SHANK2: variants seen among roughly 807,000 people sequenced by gnomAD.
The protein encoded by SHANK2 is SH3 and multiple ankyrin repeat domains protein 2.
A neutral mutation model predicts 133.7 loss-of-function variants in SHANK2; 43 were observed. That is an observed-to-expected ratio of 0.32 (90% CI 0.25 to 0.41). SHANK2 has a LOEUF of 0.41. Among genes scored for constraint, SHANK2 ranks in the 10% least tolerant of loss-of-function variants. The pLI is 1.00. For synonymous variants in SHANK2, 1,017 were observed against 952.8 expected, an observed-to-expected ratio of 1.07 and a Z score of -1.24; for missense variants, 1,994 against 2,235.8, an observed-to-expected ratio of 0.89 and a Z score of 2.18.
chr11:70,534,394 T>C (rs868943390), intron 17 of SHANK2, among the ~76,000 whole-genome samples: 5 of 152,168 alleles, frequency 3.3e-5, no homozygotes, highest in Non-Finnish European at 4.4e-5. Context: ...TTCCCACTCG[T>C]TCCCTCCCAC....
chr11:70,902,959 G>A (rs1555077097), intron 10 of SHANK2, among the ~76,000 whole-genome samples: 1 of 152,160 alleles, frequency 6.6e-6, no homozygotes, highest in African/African-American at 2.4e-5. Context: ...ATCTCTCCAG[G>A]AGACAGCACG....
At chr11:70,740,457 T>C (rs1287277588) in intron 14 of SHANK2, among the ~76,000 whole-genome samples, 2 of 152,102 alleles carry the variant, frequency 1.3e-5, no homozygotes, top group African/African-American at 2.4e-5. Flanking sequence ...CCCTCCACCT[T>C]GAGTTCCTGA....
intron 10 of SHANK2, among the ~76,000 whole-genome samples, chr11:70,949,420 C>T (rs1341382281): frequency 3.9e-5 from 6 of 152,240 alleles, no homozygotes; most frequent in African/African-American, 1.4e-4. Context: ...TCAGAGACTC[C>T]GCCCGTCATG....
chr11:70,696,728 A>C lies in SHANK2; in HGVS notation c.1853+1960T>G, dbSNP rs150323371. Among the ~76,000 whole-genome samples the C allele has an allele frequency of 2.2e-3, 328 of 152,320 alleles. 6 individuals are homozygous for C. Among genetic ancestry groups the C allele is most frequent in the African/African-American group, 7.6e-3 (315 of 41,564 alleles). ...TTTTACAGCACACCTCATTTACAAG[A>C]GAAGCGGTTGGGACAGGTCAGCATT... On this transcript the variant is annotated intron_variant, in intron 15 of 25. Transcript: ENST00000601538.
At chr11:70,952,937 C>T in intron 10 of SHANK2, 2 of 210,600 alleles carry the variant, frequency 9.5e-6, no homozygotes, top group African/African-American at 2.3e-5. Context: ...GTCATCAGGG[C>T]CATGTTCCCC....
intron 3 of SHANK2, 136 bp downstream of exon 3, chr11:71,146,984 T>C: frequency 2.9e-6 from 2 of 686,904 alleles, no homozygotes; most frequent in East Asian, 2.9e-5. Flanking sequence ...GGCAGAAGTA[T>C]GGAGCGAGGA....
At chr11:71,226,641 A>G (rs782453105) in intron 1 of SHANK2, 12 of 152,204 alleles carry the variant, frequency 7.9e-5, no homozygotes, top group Admixed American at 2.0e-4. Context: ...AGTATTCTCA[A>G]TCCATAATTT....
chr11:70,646,452 A>T (rs2061262948), intron 17 of SHANK2, among the ~76,000 whole-genome samples: 1 of 152,210 alleles, frequency 6.6e-6, no homozygotes, highest in African/African-American at 2.4e-5. Context: ...CCATCCCTCA[A>T]GTTCCTCAGC....
At chr11:71,194,957 A>T (rs782591896) in intron 2 of SHANK2, among the ~76,000 whole-genome samples, 3 of 152,242 alleles carry the variant, frequency 2.0e-5, no homozygotes, top group Non-Finnish European at 4.4e-5. Flanking sequence ...TTCGTGGGTT[A>T]ATGGTTTACA....
intron 14 of SHANK2, among the ~76,000 whole-genome samples, chr11:70,777,360 C>T (rs1947388890): frequency 6.6e-6 from 1 of 151,662 alleles, no homozygotes; most frequent in Non-Finnish European, 1.5e-5. Context: ...TTTATCTGTC[C>T]ATCCATACAC....
intron 14 of SHANK2, among the ~76,000 whole-genome samples, chr11:70,707,401 A>T (rs1432019679): frequency 2.8e-5 from 4 of 141,316 alleles, no homozygotes; most frequent in Non-Finnish European, 6.1e-5. Flanking sequence ...AAAAAAAGAG[A>T]GAGAGAGATA....
At chr11:70,641,252 C>T (rs747491560) in intron 17 of SHANK2, among the ~76,000 whole-genome samples, 7 of 152,008 alleles carry the variant, frequency 4.6e-5, no homozygotes, top group Non-Finnish European at 8.8e-5. Flanking sequence ...CATGCCACCA[C>T]GCCTGGATAA....
chr11:70,758,410 G>T (rs1219417522), intron 14 of SHANK2, among the ~76,000 whole-genome samples: 2 of 152,230 alleles, frequency 1.3e-5, no homozygotes, highest in Non-Finnish European at 2.9e-5. Context: ...CTGGCAGAGT[G>T]TCCCCTGCAC....
At chr11:71,155,674 A>C (rs148121585) in intron 2 of SHANK2, among the ~76,000 whole-genome samples, 47 of 122,630 alleles carry the variant, frequency 3.8e-4, no homozygotes, top group South Asian at 9.9e-4. Flanking sequence ...GCCCTGCCCC[A>C]TACCCCTCAA....
intron 17 of SHANK2, among the ~76,000 whole-genome samples, chr11:70,649,718 C>A (rs1198129825): frequency 6.6e-6 from 1 of 152,200 alleles, no homozygotes. Flanking sequence ...CAGCTTCCAA[C>A]ATGGAGATGT....
intron 17 of SHANK2, among the ~76,000 whole-genome samples, chr11:70,637,390 T>TC (rs1334956900): frequency 1.3e-5 from 2 of 152,008 alleles, no homozygotes; most frequent in African/African-American, 2.4e-5. Flanking sequence ...ATAGAGACCC[T>TC]CCTGCTATTC....
intron 17 of SHANK2, among the ~76,000 whole-genome samples, chr11:70,625,260 G>T (rs782637939): frequency 6.6e-6 from 1 of 152,128 alleles, no homozygotes; most frequent in African/African-American, 2.4e-5. Flanking sequence ...GGGCATTGCC[G>T]CCAGGGATGC....
At chr11:70,800,607 C>T (rs533287412) in intron 13 of SHANK2, among the ~76,000 whole-genome samples, 1 of 152,302 alleles carries the variant, frequency 6.6e-6, no homozygotes, top group South Asian at 2.1e-4. Flanking sequence ...TTATAAGTTC[C>T]TAATAACCTG....
At chr11:70,871,838 C>T (rs538164244) in intron 11 of SHANK2, among the ~76,000 whole-genome samples, 2 of 152,308 alleles carry the variant, frequency 1.3e-5, no homozygotes, top group East Asian at 3.9e-4. Flanking sequence ...TCTGAGATTT[C>T]CATATACGAT....
Sources: allele counts gnomAD v4.1 joint callset (sites outside exome capture counted in the v4.1 genomes callset), GRCh38; gene constraint gnomAD v4.1.1; transcripts MANE v1.5; gene names NCBI Gene and HGNC (gene_info 2026-07-23, HGNC 2026-07-21).